FXYD5: variants seen among roughly 807,000 people sequenced by gnomAD.
FXYD5 encodes FXYD domain-containing ion transport regulator 5.
A neutral mutation model predicts 25.7 loss-of-function variants in FXYD5; 21 were observed. The ratio of observed to expected loss-of-function variants is 0.82; its 90% CI spans 0.58 to 1.18. The LOEUF (loss-of-function observed/expected upper bound fraction) is 1.18. Ranked by LOEUF, FXYD5 falls within the 50% of genes most tolerant of loss-of-function variation. FXYD5 has a pLI of 0.00. For synonymous variants in FXYD5, 101 were observed against 90.7 expected, an observed-to-expected ratio of 1.11 and a Z score of -0.64; for missense variants, 229 against 227.7, an observed-to-expected ratio of 1.01 and a Z score of -0.04.
At chr19:35,157,176 C>T (rs1269146019) in intron 2 of FXYD5, among the ~76,000 whole-genome samples, 1 of 152,166 alleles carries the variant, frequency 6.6e-6, no homozygotes, top group African/African-American at 2.4e-5. Context: ...ACCCTAGCAC[C>T]TGGGCTCACT....
Position 35,169,726 on chromosome 19 carries a change from G to T in FXYD5, c.*111G>T. On this transcript the variant is annotated 3_prime_UTR_variant, in exon 9 of 9. Transcript: ENST00000392219. Reference sequence around the variant, plus strand: ...CCCTCGAAGAGCCTGGCCAGAGAGGGAAGACACAGATGATGAAGCTGGAGC... The same window carrying T: ...CCCTCGAAGAGCCTGGCCAGAGAGGTAAGACACAGATGATGAAGCTGGAGC... The T allele has an allele frequency of 1.4e-6, 1 of 735,994 alleles. No homozygotes were observed. The highest frequency in any genetic ancestry group is 2.4e-6 in the Non-Finnish European group (1 of 412,692). The allele number at this position is 735,994 out of a possible 1,614,324, so 45.6% of individuals were successfully genotyped here.
intron 8 of FXYD5, chr19:35,166,551 T>C: frequency 2.1e-6 from 1 of 471,730 alleles, no homozygotes; most frequent in Non-Finnish European, 3.7e-6. Flanking sequence ...TGGGTGATTC[T>C]TCTGGTCTCA....
intron 5 of FXYD5, among the ~76,000 whole-genome samples, chr19:35,161,914 A>G (rs773130540): frequency 2.0e-5 from 3 of 152,172 alleles, no homozygotes; most frequent in Non-Finnish European, 2.9e-5. Flanking sequence ...TAATTGTTCC[A>G]GTTTTCTAGT....
chr19:35,155,455 G>C, intron 1 of FXYD5, 96 bp from the exon 2 acceptor site: 1 of 1,009,578 alleles, frequency 9.9e-7, no homozygotes, highest in South Asian at 1.3e-5. Flanking sequence ...AGAGGTTTTT[G>C]CTCAGGGCAG....
chr19:35,156,452 T>C (rs138853617), intron 2 of FXYD5, among the ~76,000 whole-genome samples: 1 of 152,252 alleles, frequency 6.6e-6, no homozygotes, highest in African/African-American at 2.4e-5. Flanking sequence ...GTAAATTATA[T>C]CGTGTGCTAG....
chr19:35,163,528 C>T (rs972004629), intron 5 of FXYD5, among the ~76,000 whole-genome samples: 3 of 151,910 alleles, frequency 2.0e-5, no homozygotes, highest in African/African-American at 7.3e-5. Flanking sequence ...GTTGCCCAGA[C>T]TGGAGTGCAG....
At position 35,169,465 on chromosome 19, in the gene FXYD5, C is replaced by A; in HGVS notation, c.488-101C>A. ...GTTTATGGAGTTGCCTTTGAGTTTCCCGAGGGGCAGGGTTGATCAATCTGG... is the reference window on the plus strand; with the variant it reads ...GTTTATGGAGTTGCCTTTGAGTTTCACGAGGGGCAGGGTTGATCAATCTGG... On this transcript the variant is annotated intron_variant, in intron 8 of 8. Transcript: ENST00000392219. 3 of 880,856 alleles carry A rather than the reference C, an allele frequency of 3.4e-6. No individual in the cohort carries two copies. The South Asian group carries it at 4.1e-5, about 12-fold the overall frequency. The allele number at this position is 880,856 out of a possible 1,614,324, so 54.6% of individuals were successfully genotyped here.
intron 1 of FXYD5, chr19:35,155,324 C>T (rs2065342752): frequency 1.0e-5 from 6 of 590,386 alleles, no homozygotes; most frequent in Non-Finnish European, 1.8e-5. Context: ...TCTCATGCTT[C>T]TTGTTTTCTT....
At position 35,169,577 on chromosome 19, in the gene FXYD5, A is replaced by C. The variant is rs748840173; in HGVS notation, c.499A>C (p.Arg167=). 124 of 1,610,026 alleles carry C rather than the reference A, an allele frequency of 7.7e-5. No homozygotes were observed. Among genetic ancestry groups the C allele is most frequent in the Non-Finnish European group, 9.7e-5 (114 of 1,176,322 alleles). The part of the protein sequence containing the change: ...GIIILTSGKC[R]QLSRLCRNRC... ...TCCTTCACCCACAGGTGGCAAGTGC[A>C]GGCAGCTGTCCCGGTTATGCCGGAA... Residue 167 remains arginine, a synonymous_variant, in exon 9 of 9, where the codon AGG becomes CGG. Transcript: ENST00000392219.
chr19:35,159,589 A>C, intron 4 of FXYD5: 1 of 1,550,602 alleles, frequency 6.4e-7, no homozygotes, highest in Middle Eastern at 1.7e-4. Context: ...TTTTCTGTCT[A>C]CACACAGCAC....
At position 35,164,224 on chromosome 19, in the gene FXYD5, C is replaced by A. The variant is rs535139146; in HGVS notation, c.361C>A (p.Pro121Thr). Residue 121 changes from proline (P) to threonine (T), a missense_variant, in exon 6 of 9, where the codon CCC (proline) becomes ACC (threonine). Pro to Thr is a conservative substitution (Grantham distance 38, BLOSUM62 -1). Coordinates refer to ENST00000392219, the MANE Select transcript of FXYD5 (RefSeq NM_014164.6). ...CCCAAGCACAGACGTCCAGACAGAC[C>A]CCCAGACCCTCAAGCCATCTGGTTA... ...PSPSTDVQTD[P>T]QTLKPSGFHE... The A allele has an allele frequency of 9.3e-5, 150 of 1,612,934 alleles. No homozygotes were observed. The highest frequency in any genetic ancestry group is 1.1e-4 in the Non-Finnish European group (135 of 1,179,550).
intron 6 of FXYD5, 41 bp downstream of exon 6, chr19:35,164,286 T>C: frequency 1.3e-6 from 2 of 1,567,940 alleles, no homozygotes; most frequent in East Asian, 4.5e-5. Flanking sequence ...GGCTATTTTC[T>C]GTTCACTGTG....
chr19:35,164,055 G>A, intron 5 of FXYD5, 101 bp from the exon 6 acceptor site: 1 of 1,582,752 alleles, frequency 6.3e-7, no homozygotes, highest in Non-Finnish European at 8.6e-7. Flanking sequence ...CTGTGTAGAT[G>A]TGGGAGAGGG....
intron 2 of FXYD5, chr19:35,157,097 CT>C (rs1412630010): frequency 4.3e-6 from 1 of 234,014 alleles, no homozygotes; most frequent in Non-Finnish European, 8.4e-6. Flanking sequence ...AGAGAAAGGA[CT>C]TCACTTGTTC....
chr19:35,160,200 C>T (rs866473355), intron 4 of FXYD5, among the ~76,000 whole-genome samples: 1 of 152,154 alleles, frequency 6.6e-6, no homozygotes, highest in Non-Finnish European at 1.5e-5. Flanking sequence ...TAGAGTGAGA[C>T]CCTGTCTCAA....
chr19:35,162,580 T>C (rs2065415826), intron 5 of FXYD5, among the ~76,000 whole-genome samples: 1 of 152,098 alleles, frequency 6.6e-6, no homozygotes, highest in Admixed American at 6.6e-5. Flanking sequence ...GCAAGCTCTC[T>C]GGTGTCTTCT....
At chr19:35,163,966 T>C (rs1377597009) in intron 5 of FXYD5, 190 bp from the exon 6 acceptor site, 3 of 1,469,830 alleles carry the variant, frequency 2.0e-6, no homozygotes, top group South Asian at 1.4e-5. Context: ...GCTATGTGCT[T>C]ATTTCAGCAT....
chr19:35,163,004 A>G (rs972291678), intron 5 of FXYD5, among the ~76,000 whole-genome samples: 13 of 152,154 alleles, frequency 8.5e-5, no homozygotes, highest in African/African-American at 2.9e-4. Context: ...GTGTGGTGGG[A>G]ACTGTCATTA....
chr19:35,158,441 C>T (rs1443792859), intron 4 of FXYD5, 41 bp downstream of exon 4: 7 of 1,223,304 alleles, frequency 5.7e-6, no homozygotes, highest in Non-Finnish European at 8.5e-6. Flanking sequence ...AGGACCAAGA[C>T]AAACAAAGTT....
Sources: gnomAD v4.1 joint callset for allele counts (sites outside exome capture counted in the v4.1 genomes callset) on GRCh38, gnomAD v4.1.1 for gene constraint, MANE v1.5 for transcripts, NCBI Gene and HGNC (gene_info 2026-07-23, HGNC 2026-07-21) for gene names.